The following LUZP2 variants were observed in gnomAD, a reference collection of about 807,000 sequenced individuals.
LUZP2 encodes the protein leucine zipper protein 2.
LUZP2 carries 52 observed loss-of-function variants against 51.6 expected under a neutral mutation model. The observed-to-expected ratio is 1.01, with a 90% CI of 0.81 to 1.27. The LOEUF (loss-of-function observed/expected upper bound fraction) is 1.27. LUZP2 is among the 50% of genes most tolerant of loss of function. The probability of loss-of-function intolerance (pLI) is 0.00; values close to 1 mark genes in which losing one functional copy is unlikely to be tolerated. For missense variants in LUZP2, 436 were observed against 395.4 expected, an observed-to-expected ratio of 1.10 and a Z score of -0.87; for synonymous variants, 154 against 137.3, an observed-to-expected ratio of 1.12 and a Z score of -0.85.
Position 24,703,397 on chromosome 11 carries a change from G to A in LUZP2, c.63-25772G>A, listed in dbSNP as rs76352416. Among the ~76,000 whole-genome samples the A allele has an allele frequency of 8.3e-3, 1,265 of 152,304 alleles. 10 individuals carry two copies. Among genetic ancestry groups the A allele is most frequent in the South Asian group, 0.029 (139 of 4,826 alleles). ...TTTAATACAGAATCAGAGAGAAAGT[G>A]ATGTGGAGTTTGGAAGGGAAACGTC... On this transcript the variant is annotated intron_variant, in intron 1 of 11. Transcript: ENST00000336930.
intron 5 of LUZP2, among the ~76,000 whole-genome samples, chr11:24,881,956 A>C (rs375683587): frequency 1.5e-4 from 23 of 151,916 alleles, no homozygotes; most frequent in Non-Finnish European, 2.7e-4. Context: ...GTGAATATTC[A>C]TGATTTTATT....
chr11:24,960,119 A>G (rs1275037325), intron 7 of LUZP2, among the ~76,000 whole-genome samples: 1 of 152,104 alleles, frequency 6.6e-6, no homozygotes, highest in Non-Finnish European at 1.5e-5. Context: ...CATGGTGGAT[A>G]AGCTTTTTGA....
intron 1 of LUZP2, among the ~76,000 whole-genome samples, chr11:24,615,969 G>T (rs1309247220): frequency 6.6e-6 from 1 of 150,894 alleles, no homozygotes; most frequent in Non-Finnish European, 1.5e-5. Flanking sequence ...CACAAGTGAA[G>T]TGTCTTTTTG....
In LUZP2 at chr11:24,768,842, T is replaced by G. The variant is rs72884481; in HGVS notation, c.396+5534T>G. Among the ~76,000 whole-genome samples the G allele has an allele frequency of 9.9e-3, 1,505 of 152,228 alleles. 6 individuals carry two copies. The highest frequency in any genetic ancestry group is 0.015 in the Non-Finnish European group (1,035 of 68,002). On this transcript the variant is annotated intron_variant, in intron 5 of 11. Coordinates refer to ENST00000336930, the MANE Select transcript of LUZP2 (RefSeq NM_001009909.4). Reference sequence around the variant, plus strand: ...GCCATTATGAACAACAATATGAAAGTTTCTCAAAAACTAAAAATAGAACTA... The same window carrying G: ...GCCATTATGAACAACAATATGAAAGGTTCTCAAAAACTAAAAATAGAACTA...
At chr11:25,041,167 C>T (rs1433420345) in intron 9 of LUZP2, among the ~76,000 whole-genome samples, 2 of 152,068 alleles carry the variant, frequency 1.3e-5, no homozygotes, top group East Asian at 3.9e-4. Context: ...GGGATATTTT[C>T]CAAGACCTTG....
At chr11:24,529,233 A>T (rs1175156851) in intron 1 of LUZP2, among the ~76,000 whole-genome samples, 1 of 151,138 alleles carries the variant, frequency 6.6e-6, no homozygotes, top group African/African-American at 2.4e-5. Context: ...TACAAAAAAA[A>T]CCTGGCATAG....
chr11:25,026,886 CTTTA>C (rs752035895), intron 9 of LUZP2, among the ~76,000 whole-genome samples: 85 of 119,526 alleles, frequency 7.1e-4, no homozygotes, highest in Admixed American at 1.7e-3. Flanking sequence ...TTTTTTCTTT[CTTTA>C]TTTATTTTTT....
chr11:24,920,999 A>G (rs1854035649), intron 7 of LUZP2, among the ~76,000 whole-genome samples: 1 of 152,156 alleles, frequency 6.6e-6, no homozygotes. Flanking sequence ...TCCATTAAAA[A>G]TAATACAGTA....
chr11:24,658,441 C>T (rs1161874006), intron 1 of LUZP2, among the ~76,000 whole-genome samples: 1 of 152,172 alleles, frequency 6.6e-6, no homozygotes, highest in Admixed American at 6.5e-5. Context: ...GGATTAAAGA[C>T]TTAAATGTTA....
intron 1 of LUZP2, among the ~76,000 whole-genome samples, chr11:24,618,197 TAGGCC>T (rs1422820559): frequency 6.6e-6 from 1 of 152,152 alleles, no homozygotes; most frequent in Non-Finnish European, 1.5e-5. Context: ...GAATCTCCAC[TAGGCC>T]ACATGTGGAA....
intron 1 of LUZP2, among the ~76,000 whole-genome samples, chr11:24,708,862 C>A (rs1344535525): frequency 2.0e-5 from 3 of 152,088 alleles, no homozygotes; most frequent in Non-Finnish European, 2.9e-5. Flanking sequence ...AAATTAAAAA[C>A]CCTGTATAAG....
chr11:24,876,163 G>A (rs1224022173), intron 5 of LUZP2, among the ~76,000 whole-genome samples: 48 of 150,064 alleles, frequency 3.2e-4, no homozygotes, highest in Non-Finnish European at 6.1e-4. Flanking sequence ...TAGACATGAA[G>A]CCCTTGCCCA....
chr11:24,527,828 T>G lies in LUZP2; in HGVS notation c.62+30523T>G, dbSNP rs181046370. On this transcript the variant is annotated intron_variant, in intron 1 of 11. Coordinates refer to ENST00000336930, the MANE Select transcript of LUZP2 (RefSeq NM_001009909.4). ...TTACTCTCCTTTAAAGCTTAAAAATTTCCCAGAGAAGAGTCCTAAAAATCT... is the reference window on the plus strand; with the variant it reads ...TTACTCTCCTTTAAAGCTTAAAAATGTCCCAGAGAAGAGTCCTAAAAATCT... Among the ~76,000 whole-genome samples the G allele has an allele frequency of 1.6e-3, 242 of 151,478 alleles. 1 individual carries two copies. Among genetic ancestry groups the G allele is most frequent in the Middle Eastern group, 6.8e-3 (2 of 294 alleles).
chr11:24,530,768 T>TA (rs1850967604), intron 1 of LUZP2, among the ~76,000 whole-genome samples: 1 of 98,310 alleles, frequency 1.0e-5, no homozygotes, highest in East Asian at 2.1e-4. Flanking sequence ...CTTACTTTTT[T>TA]TTTTTTTTTT....
chr11:25,060,555 G>A (rs1475655719), intron 10 of LUZP2, among the ~76,000 whole-genome samples: 1 of 152,144 alleles, frequency 6.6e-6, no homozygotes, highest in Non-Finnish European at 1.5e-5. Context: ...TCACATTGCT[G>A]TGATTACCTT....
intron 9 of LUZP2, among the ~76,000 whole-genome samples, chr11:25,027,666 T>C (rs1857531912): frequency 6.6e-6 from 1 of 151,526 alleles, no homozygotes; most frequent in Admixed American, 6.6e-5. Flanking sequence ...AGTCAGGAGG[T>C]CAAGATCAGC....
intron 10 of LUZP2, among the ~76,000 whole-genome samples, chr11:25,066,263 T>C (rs1858996111): frequency 6.6e-6 from 1 of 151,928 alleles, no homozygotes; most frequent in African/African-American, 2.4e-5. Context: ...TGTGGCATTG[T>C]CCAGTGATGG....
At chr11:24,582,519 C>T (rs1398099251) in intron 1 of LUZP2, among the ~76,000 whole-genome samples, 1 of 151,926 alleles carries the variant, frequency 6.6e-6, no homozygotes, top group Non-Finnish European at 1.5e-5. Flanking sequence ...ACTTTCTCAA[C>T]TTTGTATTTA....
intron 5 of LUZP2, among the ~76,000 whole-genome samples, chr11:24,819,500 C>T (rs996917113): frequency 1.3e-5 from 2 of 151,974 alleles, no homozygotes; most frequent in African/African-American, 4.8e-5. Context: ...GACGTATATG[C>T]CCAGAAATCT....
Sources: gnomAD v4.1 joint callset for allele counts (sites outside exome capture counted in the v4.1 genomes callset) on GRCh38, gnomAD v4.1.1 for gene constraint, MANE v1.5 for transcripts, NCBI Gene and HGNC (gene_info 2026-07-23, HGNC 2026-07-21) for gene names.